CDYL2: variants seen among roughly 807,000 people sequenced by gnomAD.
The protein encoded by CDYL2 is chromodomain Y-like protein 2.
Under a neutral mutation model 49.4 loss-of-function variants are expected in CDYL2, and 23 were observed. That is an observed-to-expected ratio of 0.47 (90% confidence interval 0.34 to 0.66). CDYL2 has a LOEUF of 0.66. Among genes scored for constraint, CDYL2 ranks in the 30% least tolerant of loss-of-function variants. The pLI is 0.01. For synonymous variants in CDYL2, 360 were observed against 268.8 expected, an observed-to-expected ratio of 1.34 and a Z score of -3.32; for missense variants, 678 against 656.4, an observed-to-expected ratio of 1.03 and a Z score of -0.36.
intron 1 of CDYL2, among the ~76,000 whole-genome samples, chr16:80,706,961 T>A (rs1904425819): frequency 6.6e-6 from 1 of 152,108 alleles, no homozygotes. Flanking sequence ...AAGTCTTGAA[T>A]GCAAGCAGAC....
At chr16:80,783,448 A>G (rs1907336900) in intron 1 of CDYL2, among the ~76,000 whole-genome samples, 1 of 152,182 alleles carries the variant, frequency 6.6e-6, no homozygotes, top group Non-Finnish European at 1.5e-5. Flanking sequence ...GAAGTTTCTC[A>G]AAAAGTTAAA....
At chr16:80,657,591 C>A (rs118143475) in intron 2 of CDYL2, among the ~76,000 whole-genome samples, 1 of 152,204 alleles carries the variant, frequency 6.6e-6, no homozygotes, top group East Asian at 1.9e-4. Flanking sequence ...TAAAACTACA[C>A]TGAAATACCA....
intron 2 of CDYL2, among the ~76,000 whole-genome samples, chr16:80,639,374 C>A (rs1336807037): frequency 6.6e-6 from 1 of 152,220 alleles, no homozygotes; most frequent in Non-Finnish European, 1.5e-5. Context: ...GATGTGAAAT[C>A]TTATAGTCAC....
intron 4 of CDYL2, among the ~76,000 whole-genome samples, chr16:80,613,113 A>G (rs1906675697): frequency 6.6e-6 from 1 of 152,070 alleles, no homozygotes; most frequent in African/African-American, 2.4e-5. Context: ...TCCACTCTCA[A>G]AAGCCATAGC....
At chr16:80,768,242 C>A (rs1486264298) in intron 1 of CDYL2, among the ~76,000 whole-genome samples, 1 of 152,040 alleles carries the variant, frequency 6.6e-6, no homozygotes, top group Non-Finnish European at 1.5e-5. Context: ...CTTGGAATTC[C>A]CCTCCATTCC....
chr16:80,658,781 A>C (rs73583682), intron 2 of CDYL2, among the ~76,000 whole-genome samples: 201 of 152,292 alleles, frequency 1.3e-3, no homozygotes, highest in African/African-American at 4.5e-3. Context: ...TAACAATCCC[A>C]CTAAAATAAA....
chr16:80,646,550 G>A (rs1356675012), intron 2 of CDYL2, among the ~76,000 whole-genome samples: 2 of 152,174 alleles, frequency 1.3e-5, no homozygotes, highest in African/African-American at 4.8e-5. Context: ...CAGCACTTTG[G>A]GAGGCCAAGG....
chr16:80,779,262 T>C (rs1385825759), intron 1 of CDYL2, among the ~76,000 whole-genome samples: 1 of 152,120 alleles, frequency 6.6e-6, no homozygotes, highest in African/African-American at 2.4e-5. Flanking sequence ...TTTGTTAATG[T>C]ATGTGACAGA....
At chr16:80,714,942 T>C (rs148401421) in intron 1 of CDYL2, among the ~76,000 whole-genome samples, 2 of 152,196 alleles carry the variant, frequency 1.3e-5, no homozygotes, top group African/African-American at 4.8e-5. Context: ...CCAAGTAGGA[T>C]GTAGTCAAAG....
At chr16:80,716,687 A>G (rs192560053) in intron 1 of CDYL2, among the ~76,000 whole-genome samples, 1 of 151,456 alleles carries the variant, frequency 6.6e-6, no homozygotes, top group African/African-American at 2.4e-5. Flanking sequence ...TGGATAACAG[A>G]GGGGTAATTG....
rs373622882 is a variant in CDYL2, at chr16:80,734,698, G to C, written c.25-49569C>G. On this transcript the variant is annotated intron_variant, in intron 1 of 6. Transcript: ENST00000570137. ...TGAAAGACACCATGTTGGGCCCTGG[G>C]AGCACAGATATACCTGCTTAAGCTT... 2.0e-5 allele frequency among the ~76,000 whole-genome samples: 3 copies of C among 152,200 alleles called. No individual in the cohort carries two copies. In the South Asian group the frequency reaches 6.2e-4, roughly 32 times the overall value.
intron 1 of CDYL2, among the ~76,000 whole-genome samples, chr16:80,687,378 G>C (rs570317729): frequency 1.3e-5 from 2 of 152,138 alleles, no homozygotes; most frequent in African/African-American, 4.8e-5. Flanking sequence ...GCGTGGGTGG[G>C]TGGATGGATG....
intron 1 of CDYL2, among the ~76,000 whole-genome samples, chr16:80,773,371 T>C (rs28841900): frequency 0.071 from 10,755 of 152,148 alleles, 466 homozygotes; most frequent in African/African-American, 0.12. Flanking sequence ...GACATTTCCA[T>C]AATCGGAACA....
intron 2 of CDYL2, chr16:80,662,765 C>T (rs776753167): frequency 3.3e-5 from 15 of 455,662 alleles, no homozygotes; most frequent in East Asian, 1.4e-4. Context: ...TGATGGCTAC[C>T]GTACTGGACA....
intron 1 of CDYL2, among the ~76,000 whole-genome samples, chr16:80,713,739 G>C (rs2142515429): frequency 6.6e-6 from 1 of 152,218 alleles, no homozygotes; most frequent in East Asian, 1.9e-4. Context: ...ATAGGGAAGT[G>C]ACCCTATGTG....
chr16:80,620,966 T>C (rs1907059710), intron 3 of CDYL2, 31 bp from the exon 4 acceptor site: 1 of 1,558,118 alleles, frequency 6.4e-7, no homozygotes, highest in Non-Finnish European at 8.7e-7. Flanking sequence ...GCAGGGATGT[T>C]AAGTGTCTAT....
At chr16:80,679,113 G>A (rs1173884221) in intron 2 of CDYL2, among the ~76,000 whole-genome samples, 1 of 115,412 alleles carries the variant, frequency 8.7e-6, no homozygotes, top group African/African-American at 3.3e-5. Context: ...GGACTGTTGT[G>A]GGGTGGGGGG....
At chr16:80,640,013 C>A (rs1467540554) in intron 2 of CDYL2, among the ~76,000 whole-genome samples, 1 of 152,142 alleles carries the variant, frequency 6.6e-6, no homozygotes, top group Non-Finnish European at 1.5e-5. Context: ...CTCTGGGGCC[C>A]TAGATAAACC....
intron 1 of CDYL2, among the ~76,000 whole-genome samples, chr16:80,732,113 T>C (rs967416907): frequency 3.3e-5 from 5 of 152,060 alleles, no homozygotes; most frequent in African/African-American, 1.2e-4. Context: ...ATTATGAGAG[T>C]CATCATTTTT....
Sources: gnomAD v4.1 joint callset for allele counts (sites outside exome capture counted in the v4.1 genomes callset) on GRCh38, gnomAD v4.1.1 for gene constraint, MANE v1.5 for transcripts, NCBI Gene and HGNC (gene_info 2026-07-23, HGNC 2026-07-21) for gene names.